Variants in CAMK1D observed in about 807,000 individuals in gnomAD.
The protein encoded by CAMK1D is calcium/calmodulin-dependent protein kinase type 1D.
In CAMK1D, 9 loss-of-function variants were observed where a neutral mutation model predicts 47.7. The observed-to-expected ratio is 0.19, with a 90% CI of 0.11 to 0.33. CAMK1D has a LOEUF of 0.33. Among genes scored for constraint, CAMK1D ranks in the 10% least tolerant of loss-of-function variants. CAMK1D has a pLI of 1.00. For missense variants in CAMK1D, 291 were observed against 488.7 expected, an observed-to-expected ratio of 0.60 and a Z score of 3.81; for synonymous variants, 184 against 184.9, an observed-to-expected ratio of 0.99 and a Z score of 0.04.
intron 2 of CAMK1D, among the ~76,000 whole-genome samples, chr10:12,624,606 A>G (rs560628424): frequency 6.6e-6 from 1 of 152,324 alleles, no homozygotes; most frequent in East Asian, 1.9e-4. Context: ...ATAGTAGTCC[A>G]CGGTTTACCA....
At chr10:12,534,525 C>T (rs1835908808) in intron 1 of CAMK1D, among the ~76,000 whole-genome samples, 2 of 152,174 alleles carry the variant, frequency 1.3e-5, no homozygotes, top group Non-Finnish European at 2.9e-5. Context: ...TGCCACCACG[C>T]CCAGCTAATT....
chr10:12,424,814 A>G (rs966263531), intron 1 of CAMK1D, among the ~76,000 whole-genome samples: 2 of 152,150 alleles, frequency 1.3e-5, no homozygotes, highest in Admixed American at 1.3e-4. Flanking sequence ...ATCTCACACA[A>G]AAAAACCAAA....
chr10:12,734,415 C>T (rs1835064204), intron 3 of CAMK1D, among the ~76,000 whole-genome samples: 1 of 9,362 alleles, frequency 1.1e-4, no homozygotes, highest in African/African-American at 1.8e-4. Context: ...TACACACACA[C>T]ACACATGTAT....
At chr10:12,616,845 G>GTAGA (rs1297182770) in intron 2 of CAMK1D, among the ~76,000 whole-genome samples, 3 of 152,152 alleles carry the variant, frequency 2.0e-5, no homozygotes, top group Non-Finnish European at 4.4e-5. Context: ...ACCAGCTAGA[G>GTAGA]TAGAGGAGGC....
chr10:12,427,700 G>GTTTTTTTTTTTTT (rs768000055), intron 1 of CAMK1D, among the ~76,000 whole-genome samples: 1,596 of 30,952 alleles, frequency 0.052, 527 homozygotes, highest in Middle Eastern at 0.077. Context: ...TGAACTTACT[G>GTTTTTTTTTTTTT]TTTTTTTTTT....
chr10:12,596,084 C>T lies in CAMK1D; in HGVS notation c.224+42728C>T, dbSNP rs148071781. Reference sequence around the variant, plus strand: ...GTGGAGATGAGAGAGCTCTTCAGTCCTAAAAAGGGACATAGCCCAGGAAGA... The same window carrying T: ...GTGGAGATGAGAGAGCTCTTCAGTCTTAAAAAGGGACATAGCCCAGGAAGA... On this transcript the variant is annotated intron_variant, in intron 2 of 10. Transcript: ENST00000619168. Among the ~76,000 whole-genome samples, 390 of 152,116 alleles carry T rather than the reference C, an allele frequency of 2.6e-3. 1 individual carries two copies. The highest frequency in any genetic ancestry group is 8.9e-3 in the African/African-American group (369 of 41,492).
At chr10:12,546,619 A>G (rs1006045781) in intron 1 of CAMK1D, among the ~76,000 whole-genome samples, 3 of 152,224 alleles carry the variant, frequency 2.0e-5, no homozygotes, top group African/African-American at 7.2e-5. Context: ...ACCATGGAAT[A>G]CTATGCAGCC....
intron 3 of CAMK1D, among the ~76,000 whole-genome samples, chr10:12,708,979 C>T (rs986122873): frequency 1.1e-4 from 16 of 152,242 alleles, no homozygotes; most frequent in Non-Finnish European, 2.2e-4. Flanking sequence ...GTTCGAGTCT[C>T]AGCCAAGGGA....
At chr10:12,705,241 A>G (rs1293860434) in intron 3 of CAMK1D, among the ~76,000 whole-genome samples, 6 of 152,132 alleles carry the variant, frequency 3.9e-5, no homozygotes, top group Non-Finnish European at 8.8e-5. Context: ...CAGGCAGATC[A>G]CCTGAGGTCA....
At chr10:12,484,874 G>A (rs1370517874) in intron 1 of CAMK1D, among the ~76,000 whole-genome samples, 1 of 152,094 alleles carries the variant, frequency 6.6e-6, no homozygotes, top group Non-Finnish European at 1.5e-5. Context: ...GAGGGCAGGT[G>A]TGATGACCAG....
intron 1 of CAMK1D, among the ~76,000 whole-genome samples, chr10:12,496,385 C>T (rs569011866): frequency 6.6e-6 from 1 of 152,230 alleles, no homozygotes. Flanking sequence ...GTCTGGGACC[C>T]GGGCTGTTTC....
intron 1 of CAMK1D, among the ~76,000 whole-genome samples, chr10:12,532,365 C>T (rs1398128684): frequency 3.3e-5 from 5 of 151,142 alleles, no homozygotes; most frequent in Non-Finnish European, 4.4e-5. Flanking sequence ...CTGCAAGCTC[C>T]GCCTCCTGGG....
chr10:12,669,164 G>A (rs1840527092), intron 3 of CAMK1D, among the ~76,000 whole-genome samples: 1 of 152,130 alleles, frequency 6.6e-6, no homozygotes, highest in South Asian at 2.1e-4. Flanking sequence ...CCTGGGAGGT[G>A]GAGGTTGCAA....
At chr10:12,655,055 C>T (rs535438480) in intron 2 of CAMK1D, among the ~76,000 whole-genome samples, 6 of 152,252 alleles carry the variant, frequency 3.9e-5, no homozygotes, top group East Asian at 3.9e-4. Flanking sequence ...TGGATTAGGC[C>T]GTTCCTGCAT....
chr10:12,789,658 G>A (rs1212235346), intron 5 of CAMK1D, among the ~76,000 whole-genome samples: 1 of 151,986 alleles, frequency 6.6e-6, no homozygotes, highest in African/African-American at 2.4e-5. Flanking sequence ...GGTAACGTTG[G>A]CCAACTTACC....
intron 3 of CAMK1D, among the ~76,000 whole-genome samples, chr10:12,678,617 T>G (rs1230919406): frequency 1.3e-5 from 2 of 152,204 alleles, no homozygotes; most frequent in African/African-American, 4.8e-5. Context: ...CTCCCTTCAG[T>G]TCTGTTGATG....
At chr10:12,632,748 G>C (rs566590608) in intron 2 of CAMK1D, among the ~76,000 whole-genome samples, 35 of 152,252 alleles carry the variant, frequency 2.3e-4, no homozygotes, top group Admixed American at 7.2e-4. Flanking sequence ...AGGCTGGACT[G>C]CAGTGGCATG....
At chr10:12,446,434 G>T (rs1011606577) in intron 1 of CAMK1D, among the ~76,000 whole-genome samples, 2 of 152,156 alleles carry the variant, frequency 1.3e-5, no homozygotes, top group African/African-American at 4.8e-5. Flanking sequence ...GGTCACTCTC[G>T]TCGCCATCTT....
intron 1 of CAMK1D, among the ~76,000 whole-genome samples, chr10:12,429,302 C>T (rs957453987): frequency 2.6e-5 from 4 of 152,128 alleles, no homozygotes; most frequent in Non-Finnish European, 5.9e-5. Context: ...CCCCTGACCA[C>T]CAAATGTCCC....
Sources: allele counts gnomAD v4.1 joint callset (sites outside exome capture counted in the v4.1 genomes callset), GRCh38; gene constraint gnomAD v4.1.1; transcripts MANE v1.5; gene names NCBI Gene and HGNC (gene_info 2026-07-23, HGNC 2026-07-21).